Variants in OPCML observed in about 807,000 individuals in gnomAD.
OPCML encodes opioid-binding protein/cell adhesion molecule.
A neutral mutation model predicts 37.8 loss-of-function variants in OPCML; 13 were observed. The ratio of observed to expected loss-of-function variants is 0.34; its 90% CI spans 0.22 to 0.55. OPCML has a LOEUF of 0.55. Ranked by LOEUF, OPCML falls within the 20% of genes least tolerant of loss-of-function variation. The pLI, the probability that OPCML is intolerant of heterozygous loss-of-function variation, is 0.91. For synonymous variants in OPCML, 176 were observed against 168.8 expected, an observed-to-expected ratio of 1.04 and a Z score of -0.33; for missense variants, 341 against 435.6, an observed-to-expected ratio of 0.78 and a Z score of 1.93.
intron 1 of OPCML, among the ~76,000 whole-genome samples, chr11:133,247,428 C>T (rs910112123): frequency 2.0e-5 from 3 of 152,088 alleles, no homozygotes; most frequent in Admixed American, 1.3e-4. Context: ...GTTTACAATA[C>T]AATTGGGGAG....
At chr11:132,620,576 G>A (rs948378865) in intron 3 of OPCML, among the ~76,000 whole-genome samples, 1 of 152,180 alleles carries the variant, frequency 6.6e-6, no homozygotes, top group Non-Finnish European at 1.5e-5. Flanking sequence ...ACCAACACTG[G>A]CTACATAGCA....
chr11:132,421,115 T>C (rs1297194992), intron 7 of OPCML, among the ~76,000 whole-genome samples: 2 of 152,002 alleles, frequency 1.3e-5, no homozygotes, highest in Non-Finnish European at 2.9e-5. Flanking sequence ...AGAAGACAAA[T>C]CACATGAATT....
intron 1 of OPCML, among the ~76,000 whole-genome samples, chr11:133,073,370 G>T (rs754693689): frequency 2.0e-5 from 3 of 152,234 alleles, no homozygotes; most frequent in Admixed American, 6.5e-5. Context: ...GGCACAGCAG[G>T]TGCTGGGAAT....
intron 1 of OPCML, among the ~76,000 whole-genome samples, chr11:133,193,057 C>CA (rs201976169): frequency 1.2e-3 from 178 of 151,418 alleles, no homozygotes; most frequent in African/African-American, 3.0e-3. Flanking sequence ...CCTCCCTGAC[C>CA]AAAAAAAACC....
chr11:132,908,634 G>C (rs945629700), intron 2 of OPCML, among the ~76,000 whole-genome samples: 1 of 152,084 alleles, frequency 6.6e-6, no homozygotes. Context: ...CACCACCCCC[G>C]GATTGACCAC....
intron 2 of OPCML, among the ~76,000 whole-genome samples, chr11:132,851,687 T>C (rs1188945914): frequency 6.6e-6 from 1 of 152,234 alleles, no homozygotes; most frequent in Non-Finnish European, 1.5e-5. Context: ...TAAAATCTCA[T>C]TTAATCTTCA....
chr11:132,671,216 C>T (rs1352320444), intron 2 of OPCML, among the ~76,000 whole-genome samples: 1 of 152,188 alleles, frequency 6.6e-6, no homozygotes, highest in Non-Finnish European at 1.5e-5. Flanking sequence ...AGAATGTCAA[C>T]TCTGCCTGTT....
intron 2 of OPCML, among the ~76,000 whole-genome samples, chr11:132,726,135 T>G (rs1565811583): frequency 6.6e-6 from 1 of 152,218 alleles, no homozygotes; most frequent in Non-Finnish European, 1.5e-5. Flanking sequence ...TTTTTGGGTA[T>G]CTTTTCAGCA....
chr11:132,589,764 G>A (rs2137695796), intron 3 of OPCML, among the ~76,000 whole-genome samples: 1 of 152,292 alleles, frequency 6.6e-6, no homozygotes, highest in East Asian at 1.9e-4. Context: ...TAGTTAAGAA[G>A]ACGAAAAGTG....
intron 1 of OPCML, among the ~76,000 whole-genome samples, chr11:133,415,945 C>T (rs895520742): frequency 3.9e-5 from 6 of 152,188 alleles, no homozygotes; most frequent in African/African-American, 1.2e-4. Context: ...CAGCAAGGAA[C>T]TGAATCCTGG....
intron 2 of OPCML, among the ~76,000 whole-genome samples, chr11:132,716,294 A>G (rs1944473502): frequency 6.6e-6 from 1 of 152,218 alleles, no homozygotes; most frequent in African/African-American, 2.4e-5. Flanking sequence ...TAGCATGTAG[A>G]TTTAAGTGAC....
chr11:132,857,036 T>C (rs766207588), intron 2 of OPCML, among the ~76,000 whole-genome samples: 32 of 152,190 alleles, frequency 2.1e-4, no homozygotes, highest in Non-Finnish European at 3.7e-4. Context: ...AGGCAAGAAT[T>C]GAATTGCTGC....
chr11:133,298,364 A>AG (rs1942681992), intron 1 of OPCML: 1 of 152,240 alleles, frequency 6.6e-6, no homozygotes, highest in Non-Finnish European at 1.5e-5. Flanking sequence ...GAAAATGGTA[A>AG]AAATCATCAA....
chr11:133,466,914 G>A (rs148563575), intron 1 of OPCML, among the ~76,000 whole-genome samples: 7 of 152,220 alleles, frequency 4.6e-5, no homozygotes, highest in Non-Finnish European at 1.0e-4. Flanking sequence ...AAAGACTTCT[G>A]GCATATCCTC....
chr11:133,308,122 T>C (rs1358013774), intron 1 of OPCML, among the ~76,000 whole-genome samples: 3 of 152,098 alleles, frequency 2.0e-5, no homozygotes, highest in Admixed American at 2.0e-4. Flanking sequence ...AGTAGAGCAA[T>C]AGAATCTGAT....
intron 1 of OPCML, among the ~76,000 whole-genome samples, chr11:133,457,332 G>A (rs1946693542): frequency 6.6e-6 from 1 of 152,262 alleles, no homozygotes; most frequent in East Asian, 1.9e-4. Context: ...AGGAGTTCAA[G>A]ACTAGCCTGG....
intron 1 of OPCML, among the ~76,000 whole-genome samples, chr11:132,995,060 G>A (rs1946856979): frequency 6.6e-6 from 1 of 152,088 alleles, no homozygotes; most frequent in Non-Finnish European, 1.5e-5. Flanking sequence ...TCTCTACCAG[G>A]GCACTGTGAT....
At chr11:132,551,676 C>T (rs4400825) in intron 3 of OPCML, among the ~76,000 whole-genome samples, 10,853 of 152,124 alleles carry the variant, frequency 0.071, 771 homozygotes, top group African/African-American at 0.17. Flanking sequence ...ACTGACTCAG[C>T]GCAAGAAGAC....
At chr11:133,033,466 T>C (rs1947709608) in intron 1 of OPCML, among the ~76,000 whole-genome samples, 1 of 152,242 alleles carries the variant, frequency 6.6e-6, no homozygotes, top group African/African-American at 2.4e-5. Flanking sequence ...CCAAATATTA[T>C]ACATATCACT....
Sources: allele counts gnomAD v4.1 joint callset (sites outside exome capture counted in the v4.1 genomes callset), GRCh38; gene constraint gnomAD v4.1.1; transcripts MANE v1.5; gene names NCBI Gene and HGNC (gene_info 2026-07-23, HGNC 2026-07-21).